The following MAMDC2 variants were observed in gnomAD, a reference collection of about 807,000 sequenced individuals.
The protein encoded by MAMDC2 is MAM domain-containing protein 2.
A neutral mutation model predicts 89.8 loss-of-function variants in MAMDC2; 57 were observed. The ratio of observed to expected loss-of-function variants is 0.63; its 90% CI spans 0.51 to 0.79. The LOEUF (loss-of-function observed/expected upper bound fraction) is 0.79. MAMDC2 is among the 30% of genes least tolerant of loss of function. The probability of loss-of-function intolerance (pLI) is 0.00; values close to 1 mark genes in which losing one functional copy is unlikely to be tolerated. For missense variants in MAMDC2, 800 were observed against 820.6 expected (o/e 0.97, Z 0.31); for synonymous variants, 313 against 293.4 (o/e 1.07, Z -0.68).
intron 7 of MAMDC2, among the ~76,000 whole-genome samples, chr9:70,137,645 T>C (rs1419101882): frequency 2.6e-5 from 4 of 152,314 alleles, no homozygotes; most frequent in Non-Finnish European, 4.4e-5. Context: ...AGTAAGTTTT[T>C]ATAGTGAGCT....
intron 4 of MAMDC2, 66 bp from the exon 5 acceptor site, chr9:70,112,929 G>T: frequency 6.3e-7 from 1 of 1,589,460 alleles, no homozygotes; most frequent in Middle Eastern, 1.7e-4. Flanking sequence ...AGCAAACTCT[G>T]TAGTAGGATG....
At chr9:70,151,034 T>A in intron 9 of MAMDC2, among the ~76,000 whole-genome samples, 1 of 152,222 alleles carries the variant, frequency 6.6e-6, no homozygotes, top group East Asian at 1.9e-4. Flanking sequence ...TTCTGCCACA[T>A]TCATAGAGTC....
At chr9:70,101,082 T>G (rs746461593) in intron 2 of MAMDC2, among the ~76,000 whole-genome samples, 2 of 152,226 alleles carry the variant, frequency 1.3e-5, no homozygotes, top group Non-Finnish European at 2.9e-5. Context: ...GACGTTGTGA[T>G]GATTCTGATC....
intron 11 of MAMDC2, among the ~76,000 whole-genome samples, chr9:70,211,331 CTCTT>C (rs1414043060): frequency 1.3e-5 from 2 of 152,134 alleles, no homozygotes; most frequent in Non-Finnish European, 2.9e-5. Context: ...TTTCTTTTCA[CTCTT>C]TTTTTCTCTA....
intron 2 of MAMDC2, among the ~76,000 whole-genome samples, chr9:70,067,429 A>T (rs954125567): frequency 6.6e-6 from 1 of 152,152 alleles, no homozygotes; most frequent in Non-Finnish European, 1.5e-5. Flanking sequence ...GCTCAGATAC[A>T]GCTTCCAGTA....
chr9:70,168,708 T>G lies in MAMDC2; in HGVS notation c.1411T>G (p.Phe471Val). 5 of 1,613,640 alleles carry G rather than the reference T, an allele frequency of 3.1e-6. No individual in the cohort carries two copies. The highest frequency in any genetic ancestry group is 4.2e-6 in the Non-Finnish European group (5 of 1,179,642). ...FKKPMPTKVV[F>V]MSLCKSFWDC... is the part of the protein sequence containing the mutation. ...TTATTTTTATGAATTTCAGGTGGTT[T>G]TCATGAGCCTATGCAAAAGTTTCTG... The change falls in exon 10 of 14, where the codon TTC becomes GTC. Residue 471 changes from phenylalanine to valine, a missense_variant. By Grantham distance (50) the Phe-to-Val change is conservative. Transcript: ENST00000377182.
intron 10 of MAMDC2, 79 bp from the exon 11 acceptor site, chr9:70,170,400 T>G (rs1179174966): frequency 4.2e-5 from 63 of 1,484,942 alleles, no homozygotes; most frequent in Non-Finnish European, 5.0e-5. Context: ...ACAACATTCA[T>G]ACATGCAGAG....
rs559732774 is a variant in MAMDC2, at chr9:70,076,472, A to G, written c.149-31739A>G. ...ACTTAGGGCCTCTCTTCCCTAGGCA[A>G]TGGATCCTGTTCACCAATTTGGTGG... On this transcript the variant is annotated intron_variant, in intron 2 of 13. Coordinates refer to ENST00000377182, the MANE Select transcript of MAMDC2 (RefSeq NM_153267.5). Among the ~76,000 whole-genome samples, 6 of 152,044 alleles carry G rather than the reference A, an allele frequency of 3.9e-5. No homozygotes were observed. The South Asian group carries it at 1.2e-3, about 32-fold the overall frequency.
At chr9:70,059,149 T>C (rs1483234982) in intron 2 of MAMDC2, among the ~76,000 whole-genome samples, 1 of 152,076 alleles carries the variant, frequency 6.6e-6, no homozygotes, top group Non-Finnish European at 1.5e-5. Flanking sequence ...CTCAAACGGG[T>C]AGCGAGGTGA....
chr9:70,206,021 G>A (rs543941216), intron 11 of MAMDC2, among the ~76,000 whole-genome samples: 1 of 152,260 alleles, frequency 6.6e-6, no homozygotes, highest in Admixed American at 6.5e-5. Flanking sequence ...TGACTGGTTT[G>A]TGCATCAAAG....
chr9:70,108,561 A>C, intron 3 of MAMDC2, 79 bp downstream of exon 3: 3 of 1,305,954 alleles, frequency 2.3e-6, no homozygotes, highest in Non-Finnish European at 3.1e-6. Context: ...AAAACTTCTG[A>C]CATGGAGGTT....
At chr9:70,107,181 T>C (rs1456656304) in intron 2 of MAMDC2, among the ~76,000 whole-genome samples, 1 of 151,724 alleles carries the variant, frequency 6.6e-6, no homozygotes, top group Non-Finnish European at 1.5e-5. Flanking sequence ...GGCAATTGGA[T>C]CATTGACATA....
At chr9:70,083,038 T>C (rs1040956221) in intron 2 of MAMDC2, 1 of 152,158 alleles carries the variant, frequency 6.6e-6, no homozygotes, top group African/African-American at 2.4e-5. Context: ...TTTCAAAGCA[T>C]GTTTAGCGCC....
At position 70,179,873 on chromosome 9, in the gene MAMDC2, C is replaced by CT. The variant is rs5898124; in HGVS notation, c.1651+9254dup. ...AAAAGGATAAATGGATAAAATATTC[C>CT]TTTTTTTTTTTTACATTAATTTCTG... On this transcript the variant is annotated intron_variant, in intron 11 of 13. Coordinates refer to ENST00000377182, the MANE Select transcript of MAMDC2 (RefSeq NM_153267.5). 9.9e-4 allele frequency among the ~76,000 whole-genome samples: 135 copies of CT among 135,826 alleles called. 2 individuals are homozygous for CT. Among genetic ancestry groups the CT allele is most frequent in the African/African-American group, 3.2e-3 (115 of 36,286 alleles). The allele number at this position is 135,826 out of a possible 152,430, so 89.1% of individuals were successfully genotyped here.
chr9:70,129,516 A>G (rs1344058495), intron 6 of MAMDC2, among the ~76,000 whole-genome samples: 1 of 152,174 alleles, frequency 6.6e-6, no homozygotes, highest in African/African-American at 2.4e-5. Context: ...AGTGATGAAA[A>G]TGGGATTTGA....
chr9:70,109,875 C>G, intron 4 of MAMDC2, 71 bp downstream of exon 4: 1 of 1,260,928 alleles, frequency 7.9e-7, no homozygotes, highest in East Asian at 2.3e-5. Context: ...CCAGAGGGAA[C>G]TGAATCAATC....
intron 5 of MAMDC2, among the ~76,000 whole-genome samples, chr9:70,121,776 A>G (rs927154093): frequency 5.9e-5 from 9 of 151,928 alleles, no homozygotes; most frequent in African/African-American, 1.9e-4. Flanking sequence ...TATGCCAGAT[A>G]GGAGTGTTGG....
chr9:70,224,736 T>C (rs1329960426), intron 12 of MAMDC2, among the ~76,000 whole-genome samples: 1 of 152,156 alleles, frequency 6.6e-6, no homozygotes, highest in African/African-American at 2.4e-5. Context: ...TACTGAGAAA[T>C]AATGCTTTAC....
chr9:70,093,513 C>G (rs1294714339), intron 2 of MAMDC2, among the ~76,000 whole-genome samples: 12 of 151,146 alleles, frequency 7.9e-5, no homozygotes, highest in Admixed American at 5.3e-4. Context: ...GAAACCTCCA[C>G]CTCCCGGGTT....
Sources: allele counts gnomAD v4.1 joint callset (sites outside exome capture counted in the v4.1 genomes callset), GRCh38; gene constraint gnomAD v4.1.1; transcripts MANE v1.5; gene names NCBI Gene and HGNC (gene_info 2026-07-23, HGNC 2026-07-21).